Variants in ITFG1 observed in about 807,000 individuals in gnomAD.
ITFG1 encodes T-cell immunomodulatory protein.
Under a neutral mutation model 81.8 loss-of-function variants are expected in ITFG1, and 34 were observed. The ratio of observed to expected loss-of-function variants is 0.42; its 90% CI spans 0.32 to 0.55. The LOEUF is 0.55. Ranked by LOEUF, ITFG1 falls within the 20% of genes least tolerant of loss-of-function variation. The probability of loss-of-function intolerance (pLI) is 0.17; values close to 1 mark genes in which losing one functional copy is unlikely to be tolerated. For synonymous variants in ITFG1, 285 were observed against 270.6 expected (o/e 1.05, Z -0.52); for missense variants, 672 against 755.4 (o/e 0.89, Z 1.29).
chr16:47,393,521 A>G (rs1012873088), intron 6 of ITFG1, among the ~76,000 whole-genome samples: 3 of 152,152 alleles, frequency 2.0e-5, no homozygotes, highest in Non-Finnish European at 2.9e-5. Context: ...ACTTGAGGCC[A>G]GGAGTTTGAA....
intron 14 of ITFG1, among the ~76,000 whole-genome samples, chr16:47,183,553 C>T (rs557649086): frequency 6.6e-6 from 1 of 152,310 alleles, no homozygotes; most frequent in Non-Finnish European, 1.5e-5. Context: ...GCCGGGTACT[C>T]CAACAGACCT....
chr16:47,334,479 A>C (rs2151575116), intron 8 of ITFG1, among the ~76,000 whole-genome samples: 1 of 152,294 alleles, frequency 6.6e-6, no homozygotes, highest in East Asian at 1.9e-4. Flanking sequence ...CAAACACTTA[A>C]ATATAGGAGC....
chr16:47,222,282 T>A (rs1367261423), intron 13 of ITFG1, among the ~76,000 whole-genome samples: 1 of 152,038 alleles, frequency 6.6e-6, no homozygotes, highest in South Asian at 2.1e-4. Flanking sequence ...TTCTGGTATG[T>A]TGTGTCTTTG....
chr16:47,318,417 T>C (rs2151567446), intron 8 of ITFG1, among the ~76,000 whole-genome samples: 1 of 152,332 alleles, frequency 6.6e-6, no homozygotes, highest in South Asian at 2.1e-4. Context: ...TTGTTTCCAA[T>C]CTTTTGATAA....
chr16:47,421,366 C>T (rs750481427), intron 6 of ITFG1, among the ~76,000 whole-genome samples: 3 of 151,610 alleles, frequency 2.0e-5, no homozygotes, highest in Non-Finnish European at 4.4e-5. Flanking sequence ...AGAGCAGTGG[C>T]GCGATCCTGG....
chr16:47,226,371 G>A (rs957490287), intron 13 of ITFG1, among the ~76,000 whole-genome samples: 1 of 152,092 alleles, frequency 6.6e-6, no homozygotes, highest in African/African-American at 2.4e-5. Flanking sequence ...CACCACACCC[G>A]GTTAATTTTT....
At chr16:47,247,382 A>G (rs1966013852) in intron 12 of ITFG1, among the ~76,000 whole-genome samples, 1 of 152,206 alleles carries the variant, frequency 6.6e-6, no homozygotes, top group Non-Finnish European at 1.5e-5. Flanking sequence ...TAAGTTTTAT[A>G]TGTATGTTAG....
At chr16:47,376,106 G>A (rs1968320943) in intron 6 of ITFG1, among the ~76,000 whole-genome samples, 166 bp from the exon 7 acceptor site, 1 of 151,302 alleles carries the variant, frequency 6.6e-6, no homozygotes, top group Non-Finnish European at 1.5e-5. Flanking sequence ...AAAAGCAGAT[G>A]ACCCTGCATT....
intron 9 of ITFG1, 63 bp downstream of exon 9, chr16:47,313,666 C>T (rs756510178): frequency 6.4e-5 from 55 of 853,176 alleles, no homozygotes; most frequent in Non-Finnish European, 8.7e-5. Context: ...CTTTTCTAAC[C>T]TTAGAAGATT....
intron 10 of ITFG1, among the ~76,000 whole-genome samples, chr16:47,268,041 A>C (rs1012919630): frequency 1.3e-5 from 2 of 152,056 alleles, no homozygotes; most frequent in Non-Finnish European, 2.9e-5. Flanking sequence ...TAGTAGAGAA[A>C]ATCAGTGACA....
At chr16:47,271,506 T>C (rs933481586) in intron 10 of ITFG1, among the ~76,000 whole-genome samples, 2 of 152,204 alleles carry the variant, frequency 1.3e-5, no homozygotes, top group Admixed American at 1.3e-4. Flanking sequence ...TTGTATAATG[T>C]AGACGGGAAT....
chr16:47,451,557 G>A (rs1263994020), intron 4 of ITFG1, 87 bp from the exon 5 acceptor site: 7 of 715,626 alleles, frequency 9.8e-6, no homozygotes, highest in African/African-American at 1.8e-5. Context: ...CTTTTGGGAA[G>A]TGTGGTAGAC....
intron 10 of ITFG1, among the ~76,000 whole-genome samples, chr16:47,296,417 CTCTG>C (rs1450382777): frequency 6.6e-6 from 1 of 151,940 alleles, no homozygotes; most frequent in Non-Finnish European, 1.5e-5. Context: ...GTGTTGTCAA[CTCTG>C]TCTATTTATA....
chr16:47,350,984 G>A (rs976373989), intron 8 of ITFG1, among the ~76,000 whole-genome samples: 1 of 152,148 alleles, frequency 6.6e-6, no homozygotes, highest in Non-Finnish European at 1.5e-5. Flanking sequence ...AATAGATGCA[G>A]AAAAGGCCTT....
intron 6 of ITFG1, among the ~76,000 whole-genome samples, chr16:47,395,557 A>C (rs960119084): frequency 2.0e-5 from 3 of 152,234 alleles, no homozygotes; most frequent in African/African-American, 7.2e-5. Context: ...AAATGTCAGA[A>C]CAAATCTGTC....
At chr16:47,388,666 A>G (rs903870812) in intron 6 of ITFG1, among the ~76,000 whole-genome samples, 2 of 152,232 alleles carry the variant, frequency 1.3e-5, no homozygotes, top group African/African-American at 4.8e-5. Context: ...AAACGGAGAT[A>G]ATTCACTGCT....
At chr16:47,426,535 C>A (rs1216694647) in intron 6 of ITFG1, among the ~76,000 whole-genome samples, 1 of 145,636 alleles carries the variant, frequency 6.9e-6, no homozygotes, top group Non-Finnish European at 1.5e-5. Flanking sequence ...CCAGATAAAC[C>A]ACACTAAAAA....
intron 8 of ITFG1, among the ~76,000 whole-genome samples, chr16:47,334,058 T>C (rs1967670994): frequency 6.6e-6 from 1 of 152,238 alleles, no homozygotes; most frequent in South Asian, 2.1e-4. Context: ...GTGAAAAGGC[T>C]TTTAATCATG....
chr16:47,398,897 G>T (rs1968624800), intron 6 of ITFG1, among the ~76,000 whole-genome samples: 1 of 152,302 alleles, frequency 6.6e-6, no homozygotes, highest in South Asian at 2.1e-4. Flanking sequence ...AGAGAGAGAA[G>T]CCCAATTCTT....
Sources: gnomAD v4.1 joint callset for allele counts (sites outside exome capture counted in the v4.1 genomes callset) on GRCh38, gnomAD v4.1.1 for gene constraint, MANE v1.5 for transcripts, NCBI Gene and HGNC (gene_info 2026-07-23, HGNC 2026-07-21) for gene names.